Variants in NHSL2 observed in about 807,000 individuals in gnomAD.
The protein encoded by NHSL2 is NHS-like protein 2.
In NHSL2, 27 loss-of-function variants were observed where a neutral mutation model predicts 53.4. The observed-to-expected ratio is 0.51, with a 90% CI of 0.37 to 0.70. The LOEUF (loss-of-function observed/expected upper bound fraction) is 0.70. NHSL2 is among the 30% of genes least tolerant of loss of function. The pLI, the probability that NHSL2 is intolerant of heterozygous loss-of-function variation, is 0.00. For synonymous variants in NHSL2, 408 were observed against 404.1 expected (o/e 1.01, Z -0.12); for missense variants, 892 against 980.1 (o/e 0.91, Z 1.20).
chrX:71,921,557 G>A (rs1048458128), intron 1 of NHSL2, among the ~76,000 whole-genome samples: 6 of 111,195 alleles, frequency 5.4e-5, no homozygotes, highest in East Asian at 2.8e-4. Context: ...GTTATAACAC[G>A]TCATCAAAAC....
At chrX:72,094,975 C>T (rs2041931821) in intron 1 of NHSL2, among the ~76,000 whole-genome samples, 1 of 112,189 alleles carries the variant, frequency 8.9e-6, no homozygotes, top group African/African-American at 3.2e-5. Flanking sequence ...CATAATGCCT[C>T]CTGCTAACAG....
Position 72,144,352 on chromosome X carries a change from G to C in NHSL2, c.*778G>C, listed in dbSNP as rs1174616068. On this transcript the variant is annotated 3_prime_UTR_variant, in exon 8 of 8. Coordinates refer to ENST00000633930, the MANE Select transcript of NHSL2 (RefSeq NM_001013627.3). Reference sequence around the variant, plus strand: ...AACAAGACAGCCATTTGTTCACTCAGATCTAGCCGAGGTAACTCACAAGTG... The same window carrying C: ...AACAAGACAGCCATTTGTTCACTCACATCTAGCCGAGGTAACTCACAAGTG... 1 of 294,808 alleles carries C rather than the reference G, an allele frequency of 3.4e-6. No homozygotes were observed. Among genetic ancestry groups the C allele is most frequent in the South Asian group, 3.8e-5 (1 of 26,187 alleles). The allele number at this position is 294,808 out of a possible 1,213,427, so 24.3% of individuals were successfully genotyped here. A position where few individuals can be genotyped will look rare whatever the true frequency, so the allele number is the denominator to read the frequency against.
intron 1 of NHSL2, among the ~76,000 whole-genome samples, chrX:71,949,590 C>T (rs1252621113): frequency 1.8e-5 from 2 of 111,792 alleles, no homozygotes; most frequent in African/African-American, 3.3e-5. Context: ...CTGCATTGGA[C>T]AGCCACTGAG....
In NHSL2 at chrX:71,915,589, T is replaced by G. The variant is rs140392386; in HGVS notation, c.280+4222T>G. ...TCAAAGCTCACATGGATGTTGAAAT[T>G]AAAATATCTTACTAGATTCTTTCTC... On this transcript the variant is annotated intron_variant, in intron 1 of 7. Transcript: ENST00000633930. 5.1e-3 allele frequency among the ~76,000 whole-genome samples: 573 copies of G among 112,388 alleles called. 4 individuals carry two copies. The highest frequency in any genetic ancestry group is 6.8e-3 in the Non-Finnish European group (363 of 53,255).
chrX:71,918,893 G>T (rs1367508849), intron 1 of NHSL2, among the ~76,000 whole-genome samples: 4 of 112,147 alleles, frequency 3.6e-5, no homozygotes, highest in Non-Finnish European at 7.5e-5. Context: ...ATACAGCCAT[G>T]AAAAGCTATG....
chrX:72,066,539 G>A (rs2042430717), intron 1 of NHSL2, among the ~76,000 whole-genome samples: 2 of 111,403 alleles, frequency 1.8e-5, no homozygotes, highest in Non-Finnish European at 3.8e-5. Context: ...GTGAGGACAT[G>A]GGACACGAGA....
chrX:72,113,288 G>T (rs374185065), intron 1 of NHSL2, among the ~76,000 whole-genome samples: 8 of 111,500 alleles, frequency 7.2e-5, no homozygotes, highest in African/African-American at 1.3e-4. Flanking sequence ...AGGTGGGGTT[G>T]CTCAGTAGCT....
At chrX:72,047,830 G>C (rs1241784769) in intron 1 of NHSL2, among the ~76,000 whole-genome samples, 3 of 110,953 alleles carry the variant, frequency 2.7e-5, no homozygotes, top group African/African-American at 9.9e-5. Flanking sequence ...AGGGCAAAGA[G>C]GAGGCAAGAT....
intron 1 of NHSL2, among the ~76,000 whole-genome samples, chrX:71,985,500 G>A (rs941808044): frequency 4.5e-5 from 5 of 112,353 alleles, no homozygotes; most frequent in Admixed American, 9.4e-5. Flanking sequence ...AATAACTATT[G>A]CTATAAGTTA....
At chrX:72,020,729 C>T (rs1226469655) in intron 1 of NHSL2, among the ~76,000 whole-genome samples, 1 of 112,796 alleles carries the variant, frequency 8.9e-6, no homozygotes, top group Non-Finnish European at 1.9e-5. Flanking sequence ...AGCTCCATCC[C>T]CAACACAGTG....
At chrX:72,103,808 C>A (rs192199199) in intron 1 of NHSL2, among the ~76,000 whole-genome samples, 67 of 112,538 alleles carry the variant, frequency 6.0e-4, no homozygotes, top group Non-Finnish European at 1.1e-3. Flanking sequence ...CAGTGCTCTG[C>A]ACAGCTCTTA....
In NHSL2 at chrX:72,129,877, G is replaced by A. The variant is rs776991863; in HGVS notation, c.281-2202G>A. ...AGCAGCTCGGTGGCCCCCCTGTCTC[G>A]GAGTGAGGCGGAAAAGCACAGGGGG... On this transcript the variant is annotated intron_variant, in intron 1 of 7. Transcript: ENST00000633930. 33 of 1,204,538 alleles carry A rather than the reference G, an allele frequency of 2.7e-5. No individual in the cohort carries two copies. Among genetic ancestry groups the A allele is most frequent in the Non-Finnish European group, 3.7e-5 (33 of 892,123 alleles).
At chrX:71,993,392 C>T (rs1241842805) in intron 1 of NHSL2, among the ~76,000 whole-genome samples, 1 of 112,163 alleles carries the variant, frequency 8.9e-6, no homozygotes, top group Non-Finnish European at 1.9e-5. Context: ...TCTGGGGTTG[C>T]TGTTCTCTAT....
At chrX:72,037,871 A>G (rs1308799101) in intron 1 of NHSL2, among the ~76,000 whole-genome samples, 4 of 112,124 alleles carry the variant, frequency 3.6e-5, no homozygotes, top group Non-Finnish European at 3.8e-5. Flanking sequence ...TGCCAGTGCC[A>G]CCAGGGAAAG....
intron 1 of NHSL2, among the ~76,000 whole-genome samples, chrX:72,097,768 G>C (rs1292283685): frequency 2.7e-5 from 3 of 111,998 alleles, no homozygotes; most frequent in Non-Finnish European, 5.6e-5. Flanking sequence ...AAGCTGGAGA[G>C]CTTTTTTCCT....
At position 72,114,035 on chromosome X, in the gene NHSL2, C is replaced by T. The variant is rs181332900; in HGVS notation, c.281-18044C>T. ...TGGCAGAAAATAGTTATTGTGGTAA[C>T]GAGAGAGAGTTGAAGTAAACCACAA... On this transcript the variant is annotated intron_variant, in intron 1 of 7. Transcript: ENST00000633930. Among the ~76,000 whole-genome samples, 828 of 111,861 alleles carry T rather than the reference C, an allele frequency of 7.4e-3. 8 individuals carry two copies. Among genetic ancestry groups the T allele is most frequent in the African/African-American group, 0.025 (783 of 30,759 alleles).
At chrX:72,035,548 G>A (rs1013469841) in intron 1 of NHSL2, among the ~76,000 whole-genome samples, 6 of 110,117 alleles carry the variant, frequency 5.4e-5, no homozygotes, top group Non-Finnish European at 7.6e-5. Flanking sequence ...TTTTTGACAC[G>A]GAGTTTCGCT....
chrX:71,967,106 T>C (rs1326433754), intron 1 of NHSL2, among the ~76,000 whole-genome samples: 4 of 111,854 alleles, frequency 3.6e-5, no homozygotes, highest in Non-Finnish European at 7.5e-5. Flanking sequence ...CTTTTATTAT[T>C]CTTTTGGTGT....
In NHSL2 at chrX:72,140,633, C is replaced by A; in HGVS notation, c.3085C>A (p.Pro1029Thr). 2 of 1,212,046 alleles carry A rather than the reference C, an allele frequency of 1.7e-6. No homozygotes were observed. Among genetic ancestry groups the A allele is most frequent in the Non-Finnish European group, 2.2e-6 (2 of 895,385 alleles). ...TCAAATGGAGGCCTATGTGGCAGAA[C>A]CAAGGCTGCCTCTCAGCCCCATCAT... ...TAQMEAYVAE[P>T]RLPLSPIITL... Residue 1029 changes from proline (P) to threonine (T), a missense_variant, in exon 6 of 8, where the codon CCA (proline) becomes ACA (threonine). By Grantham distance (38) the Pro-to-Thr change is conservative. Transcript: ENST00000633930.
Sources: allele counts gnomAD v4.1 joint callset (sites outside exome capture counted in the v4.1 genomes callset), GRCh38; gene constraint gnomAD v4.1.1; transcripts MANE v1.5; gene names NCBI Gene and HGNC (gene_info 2026-07-23, HGNC 2026-07-21).